Variants in FIG4 observed in about 807,000 individuals in gnomAD.
The protein encoded by FIG4 is FIG4 phosphoinositide 5-phosphatase.
In FIG4, 112 loss-of-function variants were observed where a neutral mutation model predicts 118.6. That is an observed-to-expected ratio of 0.94 (90% CI 0.81 to 1.11). FIG4 has a LOEUF of 1.11. FIG4 is among the 50% of genes least tolerant of loss of function. The pLI, the probability that FIG4 is intolerant of heterozygous loss-of-function variation, is 0.00. For missense variants in FIG4, 969 were observed against 1,111.7 expected, an observed-to-expected ratio of 0.87 and a Z score of 1.83; for synonymous variants, 369 against 381.2, an observed-to-expected ratio of 0.97 and a Z score of 0.37.
chr6:109,742,893 A>G (rs1345466663), intron 8 of FIG4, among the ~76,000 whole-genome samples: 2 of 151,844 alleles, frequency 1.3e-5, no homozygotes, highest in Non-Finnish European at 2.9e-5. Flanking sequence ...TTTCTAGTCT[A>G]TTCTCTGCTA....
chr6:109,727,010 A>T lies in FIG4; in HGVS notation c.290-99A>T, dbSNP rs1174099794. 16 of 913,126 alleles carry T rather than the reference A, an allele frequency of 1.8e-5. No homozygotes were observed. The South Asian group carries it at 2.1e-4, about 12-fold the overall frequency. 56.6% of individuals were successfully genotyped at this position (913,126 alleles called of 1,614,324 possible). On this transcript the variant is annotated intron_variant, in intron 3 of 22. Coordinates refer to ENST00000230124, the MANE Select transcript of FIG4 (RefSeq NM_014845.6). ...TGGCTATAAATCATAGAAATAATAA[A>T]GTGAGAAATGTATCAAAGGTCTTTG... is the stretch of plus-strand genomic sequence containing the variant.
intron 5 of FIG4, among the ~76,000 whole-genome samples, chr6:109,734,275 G>A (rs1211383577): frequency 6.6e-6 from 1 of 151,368 alleles, no homozygotes; most frequent in African/African-American, 2.4e-5. Flanking sequence ...CTGAAATTCT[G>A]TGCTAAAAAT....
chr6:109,720,421 G>A (rs1218258431), intron 3 of FIG4, among the ~76,000 whole-genome samples: 1 of 152,180 alleles, frequency 6.6e-6, no homozygotes, highest in Non-Finnish European at 1.5e-5. Context: ...TGAATTGGTG[G>A]AAAATATTTT....
intron 22 of FIG4, among the ~76,000 whole-genome samples, chr6:109,798,617 A>G (rs1234967247): frequency 2.6e-5 from 4 of 152,206 alleles, no homozygotes; most frequent in Non-Finnish European, 5.9e-5. Context: ...AAGCGAGACT[A>G]CAGTGAGAAC....
Position 109,725,688 on chromosome 6 carries a change from C to T in FIG4, c.290-1421C>T, listed in dbSNP as rs183556332. Among the ~76,000 whole-genome samples the T allele has an allele frequency of 2.0e-3, 302 of 152,298 alleles. 1 individual carries two copies. The highest frequency in any genetic ancestry group is 1.5e-3 in the Non-Finnish European group (104 of 68,022). On this transcript the variant is annotated intron_variant, in intron 3 of 22. Transcript: ENST00000230124. ...TCTTGAGGAATCACCACACTGTCTT[C>T]CACAATGGTTGAACTAATTTCCACC...
rs748835881 is a variant in FIG4, at chr6:109,762,084, T to A, written c.1272-7T>A. ...CTCACTTTTCTCATTCTTCCTTCTCTCCTCAGCAAGCTGTGTAATGTTCTT... is the reference window on the plus strand; with the variant it reads ...CTCACTTTTCTCATTCTTCCTTCTCACCTCAGCAAGCTGTGTAATGTTCTT... On this transcript the variant is annotated splice_polypyrimidine_tract_variant and splice_region_variant and intron_variant, in intron 11 of 22. Transcript: ENST00000230124. 6.4e-7 allele frequency: 1 copy of A among 1,555,404 alleles called. No individual in the cohort carries two copies. The highest frequency in any genetic ancestry group is 8.9e-7 in the Non-Finnish European group (1 of 1,126,560).
chr6:109,693,207 A>C (rs931839378), intron 1 of FIG4, among the ~76,000 whole-genome samples: 1 of 152,204 alleles, frequency 6.6e-6, no homozygotes, highest in African/African-American at 2.4e-5. Flanking sequence ...ATCTAATTTA[A>C]TATCAATTAA....
chr6:109,778,681 C>T (rs1777696337), intron 16 of FIG4, among the ~76,000 whole-genome samples: 1 of 152,056 alleles, frequency 6.6e-6, no homozygotes, highest in South Asian at 2.1e-4. Flanking sequence ...TCACTGCAAG[C>T]TCTGCCTCCC....
At chr6:109,697,135 G>A (rs972005475) in intron 1 of FIG4, among the ~76,000 whole-genome samples, 3 of 151,926 alleles carry the variant, frequency 2.0e-5, no homozygotes, top group Non-Finnish European at 2.9e-5. Context: ...GGTGGTGGGC[G>A]CCTGTAGTCC....
At chr6:109,746,514 G>A (rs1248889733) in intron 10 of FIG4, among the ~76,000 whole-genome samples, 1 of 152,124 alleles carries the variant, frequency 6.6e-6, no homozygotes, top group Middle Eastern at 3.2e-3. Flanking sequence ...AGGACAGGAG[G>A]AAGTGTGGTG....
At chr6:109,746,332 G>A (rs1776496605) in intron 10 of FIG4, among the ~76,000 whole-genome samples, 1 of 152,152 alleles carries the variant, frequency 6.6e-6, no homozygotes, top group Non-Finnish European at 1.5e-5. Flanking sequence ...AGGAGATGGT[G>A]AGGTAATGCA....
chr6:109,696,539 C>T (rs1185693459), intron 1 of FIG4, among the ~76,000 whole-genome samples: 1 of 152,122 alleles, frequency 6.6e-6, no homozygotes, highest in African/African-American at 2.4e-5. Context: ...TATATACACA[C>T]AATGGAATAC....
chr6:109,799,384 G>T (rs887085824), intron 22 of FIG4, among the ~76,000 whole-genome samples: 1 of 152,222 alleles, frequency 6.6e-6, no homozygotes, highest in Admixed American at 6.5e-5. Flanking sequence ...GTGCACGCAC[G>T]TGTGCACAGG....
chr6:109,798,768 C>G (rs1377978349), intron 22 of FIG4, among the ~76,000 whole-genome samples: 1 of 152,054 alleles, frequency 6.6e-6, no homozygotes, highest in Non-Finnish European at 1.5e-5. Context: ...TTCAAAAATG[C>G]TGTTTATCCT....
chr6:109,815,472 G>T (rs1778834183), intron 22 of FIG4, among the ~76,000 whole-genome samples: 1 of 151,216 alleles, frequency 6.6e-6, no homozygotes, highest in Non-Finnish European at 1.5e-5. Context: ...TCTTGCCTGG[G>T]CTCTAACTCC....
chr6:109,768,279 T>C (rs971191668), intron 15 of FIG4, among the ~76,000 whole-genome samples: 3 of 152,126 alleles, frequency 2.0e-5, no homozygotes, highest in Admixed American at 6.5e-5. Flanking sequence ...GAAGGAATTA[T>C]AAGAAACTGC....
At chr6:109,735,027 C>T (rs1385161478) in intron 5 of FIG4, 123 bp from the exon 6 acceptor site, 2 of 824,706 alleles carry the variant, frequency 2.4e-6, no homozygotes, top group Non-Finnish European at 4.1e-6. Flanking sequence ...AATAGCATTG[C>T]TTCCAAATAA....
intron 1 of FIG4, among the ~76,000 whole-genome samples, chr6:109,704,632 C>T (rs1021138356): frequency 3.0e-5 from 4 of 132,224 alleles, no homozygotes; most frequent in African/African-American, 1.2e-4. Context: ...GCCAAGATTA[C>T]ACCACTGCAC....
intron 14 of FIG4, 124 bp from the exon 15 acceptor site, chr6:109,766,605 A>G: frequency 1.3e-6 from 1 of 773,762 alleles, no homozygotes; most frequent in East Asian, 2.5e-5. Flanking sequence ...CAAGATATTG[A>G]AGAATCTAAC....
Sources: allele counts gnomAD v4.1 joint callset (sites outside exome capture counted in the v4.1 genomes callset), GRCh38; gene constraint gnomAD v4.1.1; transcripts MANE v1.5; gene names NCBI Gene and HGNC (gene_info 2026-07-23, HGNC 2026-07-21).